Variants in FAF1 observed in about 807,000 individuals in gnomAD.
FAF1 encodes the protein Fas associated factor 1.
A neutral mutation model predicts 92.5 loss-of-function variants in FAF1; 25 were observed. That is an observed-to-expected ratio of 0.27 (90% CI 0.20 to 0.38). The LOEUF (loss-of-function observed/expected upper bound fraction) is 0.38, where lower values mean the gene tolerates loss of function less well. FAF1 is among the 10% of genes least tolerant of loss of function. The probability of loss-of-function intolerance (pLI) is 1.00; values close to 1 mark genes in which losing one functional copy is unlikely to be tolerated. For synonymous variants in FAF1, 234 were observed against 273.2 expected, an observed-to-expected ratio of 0.86 and a Z score of 1.42; for missense variants, 636 against 793.3, an observed-to-expected ratio of 0.80 and a Z score of 2.38.
intron 4 of FAF1, among the ~76,000 whole-genome samples, chr1:50,779,358 G>T (rs1661078908): frequency 6.6e-6 from 1 of 152,140 alleles, no homozygotes; most frequent in Non-Finnish European, 1.5e-5. Context: ...TTTCCAGATG[G>T]TTTTCAATGT....
intron 4 of FAF1, among the ~76,000 whole-genome samples, chr1:50,750,932 C>T (rs1659838284): frequency 6.6e-6 from 1 of 150,988 alleles, no homozygotes; most frequent in Non-Finnish European, 1.5e-5. Context: ...CAGATTTATC[C>T]ATGTTTATAT....
At chr1:50,490,127 A>G (rs1646812969) in intron 17 of FAF1, among the ~76,000 whole-genome samples, 1 of 152,190 alleles carries the variant, frequency 6.6e-6, no homozygotes, top group Admixed American at 6.5e-5. Context: ...TGGAAGGCCA[A>G]GGCAGGTGGA....
Position 50,535,384 on chromosome 1 carries a change from T to A in FAF1, c.1479A>T (p.Glu493Asp). 2 of 1,609,552 alleles carry A rather than the reference T, an allele frequency of 1.2e-6. No homozygotes were observed. Among genetic ancestry groups the A allele is most frequent in the Non-Finnish European group, 1.7e-6 (2 of 1,176,282 alleles). Residue 493 changes from glutamate (E) to aspartate (D), a missense_variant, in exon 15 of 19, where the codon GAA becomes GAT. This residue lies in a region of FAF1 where 319 missense variants were observed against 451.0 expected (regional missense o/e 0.71). Transcript: ENST00000396153. ...ATAACCTTACCTCGTCCTTTATATC[T>A]TCCTGTTGTTGGGCTGTGAAGATCT... Reference protein sequence around the residue: ...AMEIFTAQQQEDIKDEDEREA... With the variant: ...AMEIFTAQQQDDIKDEDEREA...
chr1:50,855,526 G>T (rs1024156818), intron 2 of FAF1, among the ~76,000 whole-genome samples: 3 of 151,776 alleles, frequency 2.0e-5, no homozygotes, highest in Non-Finnish European at 4.4e-5. Context: ...AGAAAATGCA[G>T]ATCAGTGATA....
chr1:50,504,533 C>G (rs1407284250), intron 15 of FAF1, among the ~76,000 whole-genome samples: 1 of 151,610 alleles, frequency 6.6e-6, no homozygotes, highest in South Asian at 2.1e-4. Context: ...TATGCATCTA[C>G]TAGGAAGTCT....
chr1:50,498,936 T>C (rs1646943502), intron 15 of FAF1, among the ~76,000 whole-genome samples: 1 of 151,988 alleles, frequency 6.6e-6, no homozygotes, highest in Non-Finnish European at 1.5e-5. Context: ...GGCATGTTCA[T>C]AGTAGCATTA....
chr1:50,761,668 C>A (rs1182630411), intron 4 of FAF1, among the ~76,000 whole-genome samples: 10 of 152,120 alleles, frequency 6.6e-5, no homozygotes, highest in South Asian at 2.1e-4. Context: ...TCAATAAATT[C>A]GGTATTGATG....
At chr1:50,891,400 G>A (rs929429227) in intron 1 of FAF1, among the ~76,000 whole-genome samples, 2 of 152,144 alleles carry the variant, frequency 1.3e-5, no homozygotes, top group Non-Finnish European at 2.9e-5. Flanking sequence ...CGTTGCTGGT[G>A]AGGAGCTTCA....
intron 1 of FAF1, among the ~76,000 whole-genome samples, chr1:50,906,751 G>A (rs948282696): frequency 6.6e-6 from 1 of 152,194 alleles, no homozygotes. Context: ...CTTTGCTGAA[G>A]TTGCTTATCA....
At chr1:50,501,699 T>C (rs1270735663) in intron 15 of FAF1, among the ~76,000 whole-genome samples, 1 of 151,778 alleles carries the variant, frequency 6.6e-6, no homozygotes, top group African/African-American at 2.4e-5. Flanking sequence ...ATACAAAATG[T>C]TGATGAGGAT....
In FAF1 at chr1:50,870,752, ATC is replaced by A. The variant is rs1295910939; in HGVS notation, c.46-12757_46-12756del. Among the ~76,000 whole-genome samples, 8 of 152,252 alleles carry A rather than the reference ATC, an allele frequency of 5.3e-5. No homozygotes were observed. In the East Asian group the frequency reaches 1.5e-3, roughly 29 times the overall value. ...TGCTCTGCTGACCTGCCAGTTCCCC[ATC>A]TCTCTCCTCCTTGGGAGTCCCTATT... On this transcript the variant is annotated intron_variant, in intron 1 of 18. Coordinates refer to ENST00000396153, the MANE Select transcript of FAF1 (RefSeq NM_007051.3).
chr1:50,539,518 T>G, intron 14 of FAF1, 74 bp downstream of exon 14: 1 of 1,027,664 alleles, frequency 9.7e-7, no homozygotes, highest in Non-Finnish European at 1.4e-6. Context: ...AGAAATATTG[T>G]CAGCTTGGGT....
At chr1:50,939,166 T>C (rs2124751907) in intron 1 of FAF1, among the ~76,000 whole-genome samples, 1 of 152,372 alleles carries the variant, frequency 6.6e-6, no homozygotes, top group East Asian at 1.9e-4. Context: ...AGTATGGCCA[T>C]TTTAATGCTA....
intron 2 of FAF1, among the ~76,000 whole-genome samples, chr1:50,840,369 T>C (rs959872286): frequency 2.6e-5 from 4 of 151,900 alleles, no homozygotes; most frequent in African/African-American, 9.7e-5. Context: ...AAAAGACTAG[T>C]ACCCACAATA....
At chr1:50,488,561 C>T (rs1393506734) in intron 17 of FAF1, among the ~76,000 whole-genome samples, 1 of 152,152 alleles carries the variant, frequency 6.6e-6, no homozygotes, top group Non-Finnish European at 1.5e-5. Flanking sequence ...TTGAAATAGC[C>T]TAAAAGGATA....
intron 4 of FAF1, among the ~76,000 whole-genome samples, chr1:50,776,957 T>TA (rs201603938): frequency 1.9e-3 from 282 of 151,174 alleles, no homozygotes; most frequent in African/African-American, 6.4e-3. Context: ...TTTGGTGATT[T>TA]AAAAAAAAAT....
intron 6 of FAF1, among the ~76,000 whole-genome samples, chr1:50,706,872 A>C (rs1277547184): frequency 6.6e-6 from 1 of 152,156 alleles, no homozygotes; most frequent in South Asian, 2.1e-4. Flanking sequence ...GCCCATCTGT[A>C]ACTATGTGAC....
At chr1:50,551,450 A>T (rs1649306683) in intron 13 of FAF1, among the ~76,000 whole-genome samples, 1 of 152,208 alleles carries the variant, frequency 6.6e-6, no homozygotes, top group Admixed American at 6.5e-5. Context: ...ATCATGAGGA[A>T]TCTGTGTCCC....
At chr1:50,540,016 G>T (rs1044021515) in intron 13 of FAF1, among the ~76,000 whole-genome samples, 8 of 151,978 alleles carry the variant, frequency 5.3e-5, no homozygotes, top group Admixed American at 1.3e-4. Context: ...CTGTCACCCA[G>T]GCTGGAGTGC....
Sources: allele counts gnomAD v4.1 joint callset (sites outside exome capture counted in the v4.1 genomes callset), GRCh38; gene constraint gnomAD v4.1.1; regional missense constraint gnomAD v4.1.1; transcripts MANE v1.5; gene names NCBI Gene and HGNC (gene_info 2026-07-23, HGNC 2026-07-21).